FAT2: variants seen among roughly 807,000 people sequenced by gnomAD.
The protein encoded by FAT2 is FAT atypical cadherin 2, also known as protocadherin Fat 2.
Under a neutral mutation model 295.3 loss-of-function variants are expected in FAT2, and 150 were observed. That is an observed-to-expected ratio of 0.51 (90% CI 0.44 to 0.58). The LOEUF (loss-of-function observed/expected upper bound fraction) is 0.58, where lower values mean the gene tolerates loss of function less well. FAT2 is among the 20% of genes least tolerant of loss of function. The pLI is 0.00. For missense variants in FAT2, 4,868 were observed against 5,442.7 expected, an observed-to-expected ratio of 0.89 and a Z score of 3.32; for synonymous variants, 2,026 against 2,150.3, an observed-to-expected ratio of 0.94 and a Z score of 1.60.
upstream of FAT2, among the ~76,000 whole-genome samples, chr5:151,592,106 A>G (rs1418242041): frequency 2.0e-5 from 3 of 152,212 alleles, no homozygotes; most frequent in African/African-American, 7.2e-5. Context: ...ACTGGGGTGC[A>G]GGACGCCTTG....
At position 151,507,294 on chromosome 5, in the gene FAT2, T is replaced by A. The variant is rs1333114494; in HGVS notation, c.12377A>T (p.Asn4126Ile). Residue 4126 changes from asparagine (N) to isoleucine (I), a missense_variant, in exon 23 of 24, where the codon AAT becomes ATT. Physicochemically the swap from Asn to Ile is moderately radical, Grantham distance 149. Around this residue, in one of 5 missense-constraint regions of FAT2, gnomAD observed 492 missense variants for 482.6 expected, o/e 1.02. Transcript: ENST00000261800. ...ATTGGGTCCAAATGTGACGAGTTCA[T>A]TTGGAACAGAGGCCTTGCTGGGTTC... ...QPEPSKASVP[N>I]ELVTFGPNSK... The A allele has an allele frequency of 6.2e-7, 1 of 1,614,036 alleles. No individual in the cohort carries two copies. The highest frequency in any genetic ancestry group is 8.5e-7 in the Non-Finnish European group (1 of 1,180,036).
At chr5:151,535,076 A>G (rs1755119364) in intron 12 of FAT2, among the ~76,000 whole-genome samples, 1 of 150,760 alleles carries the variant, frequency 6.6e-6, no homozygotes, top group Admixed American at 6.6e-5. Context: ...TGTTTATAAT[A>G]GCAACTATTG....
rs552948519 is a variant in FAT2, at chr5:151,568,042, C to T, written c.890G>A (p.Gly297Glu). ...ESVEVVGGDP[G>E]KHFKAIKSYA... The stretch of plus-strand genomic sequence containing the variant: ...AGACTTGATGGCTTTGAAGTGCTTT[C>T]CAGGGTCACCACCAACAACTTCCAC... The change falls in exon 2 of 24, where the codon GGA becomes GAA. Residue 297 changes from glycine (G) to glutamate (E), a missense_variant. Physicochemically the swap from Gly to Glu is moderately conservative, Grantham distance 98. Transcript: ENST00000261800. 66 of 1,614,212 alleles carry T rather than the reference C, an allele frequency of 4.1e-5. 1 individual carries two copies. The South Asian group carries it at 5.9e-4, about 15-fold the overall frequency.
rs1758419905 is a variant in FAT2, at chr5:151,569,060, T to C, written c.-20-109A>G. ...GACCCTCAAGGGACACTTGGCAATG[T>C]CTGAAGATACTTTTGGCTGACCCAG... is the stretch of plus-strand genomic sequence containing the variant. On this transcript the variant is annotated intron_variant, in intron 1 of 23. Transcript: ENST00000261800. The C allele has an allele frequency of 2.7e-6, 3 of 1,121,708 alleles. No individual in the cohort carries two copies. The East Asian group carries it at 7.6e-5, about 28-fold the overall frequency. 69.5% of individuals were successfully genotyped at this position (1,121,708 alleles called of 1,614,324 possible).
chr5:151,512,161 T>A lies in FAT2; in HGVS notation c.11905+4A>T, dbSNP rs1188567137. 6.2e-7 allele frequency: 1 copy of A among 1,608,834 alleles called. No individual in the cohort carries two copies. The highest frequency in any genetic ancestry group is 1.1e-5 in the South Asian group (1 of 90,972). On this transcript the variant is annotated splice_donor_region_variant and intron_variant, in intron 21 of 23. Transcript: ENST00000261800. This position sits in a 1 kb window ranked among gnomAD's most constrained non-coding sequence, Gnocchi z 4.1. ...TGGGTTCAGCCTGGCACCCCAGCCC[T>A]CACCTGCCCCATGGGTCCATGAGCA...
At chr5:151,559,601 CCT>C (rs1474454936) in intron 3 of FAT2, among the ~76,000 whole-genome samples, 1 of 151,922 alleles carries the variant, frequency 6.6e-6, no homozygotes, top group Non-Finnish European at 1.5e-5. Flanking sequence ...TCCAGCTCTT[CCT>C]CTCTCTCTTC....
At chr5:151,546,516 G>A (rs1026186346) in intron 9 of FAT2, among the ~76,000 whole-genome samples, 179 bp from the exon 10 acceptor site, 9 of 152,124 alleles carry the variant, frequency 5.9e-5, no homozygotes, top group Non-Finnish European at 2.9e-5. Context: ...CTAACATGGT[G>A]TGCATAGTAG....
chr5:151,561,739 T>G (rs979552743), intron 3 of FAT2, among the ~76,000 whole-genome samples: 1 of 152,126 alleles, frequency 6.6e-6, no homozygotes, highest in South Asian at 2.1e-4. Context: ...GGCATCCAAG[T>G]AGGGAAGTGG....
Position 151,544,144 on chromosome 5 carries a change from G to C in FAT2, c.6983C>G (p.Thr2328Arg), listed in dbSNP as rs762138073. Residue 2328 changes from threonine to arginine, a missense_variant, in exon 10 of 24, where the codon ACA (threonine) becomes AGA (arginine). By Grantham distance (71) the Thr-to-Arg change is moderately conservative (BLOSUM62 -1). This residue lies in a region of FAT2 where 3,297 missense variants were observed against 3,669.4 expected (regional missense o/e 0.90). Coordinates refer to ENST00000261800, the MANE Select transcript of FAT2 (RefSeq NM_001447.3). ...TTCTTGAACTGTGGACATCTCCCCT[G>C]TGCTCCCATTGATCTGGAAGAACTT... The part of the protein sequence containing the change: ...VSKFFQINGS[T>R]GEMSTVQELD... 1.9e-6 allele frequency: 3 copies of C among 1,614,176 alleles called. No individual in the cohort carries two copies. Among genetic ancestry groups the C allele is most frequent in the South Asian group, 2.2e-5 (2 of 91,082 alleles).
chr5:151,566,317 G>C lies in FAT2; in HGVS notation c.2615C>G (p.Thr872Ser). Reference sequence around the variant, plus strand: ...GTGTCCTGTAACAACCAGTTCCCCAGTGAGAGGGTGGAGGGAGAACTTCTC... The same window carrying C: ...GTGTCCTGTAACAACCAGTTCCCCACTGAGAGGGTGGAGGGAGAACTTCTC... ...PTEKFSLHPL[T>S]GELVVTGHLD... The change falls in exon 2 of 24, where the codon ACT becomes AGT. Residue 872 changes from threonine to serine, a missense_variant. Transcript: ENST00000261800. 1.2e-6 allele frequency: 2 copies of C among 1,614,154 alleles called. No homozygotes were observed. The highest frequency in any genetic ancestry group is 1.7e-6 in the Non-Finnish European group (2 of 1,180,032).
chr5:151,561,478 C>T (rs1434164042), intron 3 of FAT2, among the ~76,000 whole-genome samples: 3 of 152,168 alleles, frequency 2.0e-5, no homozygotes, highest in Non-Finnish European at 4.4e-5. Context: ...GTAGCCTCAA[C>T]CTCCCAGGCT....
intron 13 of FAT2, among the ~76,000 whole-genome samples, chr5:151,533,072 G>A (rs1380751939): frequency 6.6e-6 from 1 of 152,172 alleles, no homozygotes; most frequent in Admixed American, 6.5e-5. Context: ...TTAATGGTAA[G>A]TTGATATAAG....
chr5:151,546,600 G>C (rs1756662472), intron 9 of FAT2, among the ~76,000 whole-genome samples: 1 of 152,142 alleles, frequency 6.6e-6, no homozygotes, highest in African/African-American at 2.4e-5. Context: ...GCTATAGCAG[G>C]TCTTTGAAAC....
At chr5:151,592,261 T>G (rs909490544), upstream of FAT2, among the ~76,000 whole-genome samples, 1 of 152,212 alleles carries the variant, frequency 6.6e-6, no homozygotes, top group African/African-American at 2.4e-5. Context: ...TGCCACGTTT[T>G]TAGTTATAGA....
At chr5:151,573,443 C>T (rs1055102828) in intron 1 of FAT2, among the ~76,000 whole-genome samples, 5 of 152,106 alleles carry the variant, frequency 3.3e-5, no homozygotes, top group Non-Finnish European at 7.3e-5. Context: ...ATCACAAGGT[C>T]GGGAGATGAA....
chr5:151,507,341 G>T lies in FAT2; in HGVS notation c.12330C>A (p.Ser4110=), dbSNP rs1370029316. The T allele has an allele frequency of 1.9e-6, 3 of 1,614,174 alleles. No homozygotes were observed. The South Asian group carries it at 3.3e-5, about 18-fold the overall frequency. ...AIELNPLSAS[S]CNNLNQPEPS... Reference sequence around the variant, plus strand: ...GTTCCGGTTGGTTGAGGTTGTTGCAGGAGCTGGCACTCAATGGGTTGAGCT... The same window carrying T: ...GTTCCGGTTGGTTGAGGTTGTTGCATGAGCTGGCACTCAATGGGTTGAGCT... The change falls in exon 23 of 24, where the codon TCC becomes TCA. Residue 4110 remains serine, a synonymous_variant. Transcript: ENST00000261800.
At chr5:151,558,350 T>C (rs1757876325) in intron 3 of FAT2, among the ~76,000 whole-genome samples, 1 of 152,124 alleles carries the variant, frequency 6.6e-6, no homozygotes, top group African/African-American at 2.4e-5. Flanking sequence ...GCACGGTGGC[T>C]CACACCTGTA....
chr5:151,517,107 C>CA (rs566698678), intron 20 of FAT2, among the ~76,000 whole-genome samples: 5,931 of 90,756 alleles, frequency 0.065, 367 homozygotes, highest in African/African-American at 0.2. Flanking sequence ...GACTCCATCT[C>CA]AAAAAAAAAA....
chr5:151,511,978 A>C, intron 21 of FAT2, 187 bp downstream of exon 21: 1 of 603,090 alleles, frequency 1.7e-6, no homozygotes, highest in Non-Finnish European at 3.0e-6. Context: ...TTTTGTTGAG[A>C]GGGAAGGAAG....
Sources: gnomAD v4.1 joint callset for allele counts (sites outside exome capture counted in the v4.1 genomes callset) on GRCh38, gnomAD v4.1.1 for gene constraint, gnomAD v4.1.1 regional missense constraint, Gnocchi (gnomAD v3.1) non-coding constraint, MANE v1.5 for transcripts, NCBI Gene and HGNC (gene_info 2026-07-23, HGNC 2026-07-21) for gene names.